The following TMEM116 variants were observed in gnomAD, a reference collection of about 807,000 sequenced individuals.
The protein encoded by TMEM116 is transmembrane protein 116.
A neutral mutation model predicts 44.3 loss-of-function variants in TMEM116; 38 were observed. The observed-to-expected ratio is 0.86, with a 90% CI of 0.66 to 1.12. The LOEUF is 1.12. Ranked by LOEUF, TMEM116 falls within the 50% of genes most tolerant of loss-of-function variation. The pLI, the probability that TMEM116 is intolerant of heterozygous loss-of-function variation, is 0.00. For missense variants in TMEM116, 354 were observed against 401.7 expected, an observed-to-expected ratio of 0.88 and a Z score of 1.01; for synonymous variants, 132 against 144.8, an observed-to-expected ratio of 0.91 and a Z score of 0.64.
At chr12:111,956,638 C>T (rs1273454417) in intron 4 of TMEM116, among the ~76,000 whole-genome samples, 9 of 152,310 alleles carry the variant, frequency 5.9e-5, no homozygotes, top group East Asian at 1.9e-4. Context: ...CTCAGCCTGC[C>T]GAGTGCCTGG....
chr12:111,998,457 T>C (rs2077048827), intron 3 of TMEM116, among the ~76,000 whole-genome samples: 1 of 152,148 alleles, frequency 6.6e-6, no homozygotes, highest in African/African-American at 2.4e-5. Flanking sequence ...ACATAAATAA[T>C]CCCTGGAGAA....
chr12:111,937,930 T>C (rs2072297118), intron 6 of TMEM116: 1 of 329,194 alleles, frequency 3.0e-6, no homozygotes, highest in Non-Finnish European at 5.7e-6. Context: ...GTTAGTTACA[T>C]AGAGTTGATG....
At chr12:111,957,534 T>C (rs1413457918) in intron 4 of TMEM116, among the ~76,000 whole-genome samples, 4 of 145,258 alleles carry the variant, frequency 2.8e-5, no homozygotes, top group African/African-American at 5.2e-5. Context: ...GTCCGGGAGG[T>C]GGGGGGCAGC....
At chr12:112,006,257 G>A (rs1308233447) in intron 1 of TMEM116, 1 of 152,204 alleles carries the variant, frequency 6.6e-6, no homozygotes, top group Non-Finnish European at 1.5e-5. Context: ...CAAGAGGCAG[G>A]AGTAATAAAA....
chr12:111,979,794 T>C (rs2075848667), intron 4 of TMEM116, among the ~76,000 whole-genome samples: 3 of 152,192 alleles, frequency 2.0e-5, no homozygotes, highest in South Asian at 4.1e-4. Context: ...TATTTGGATA[T>C]GTCACCAAAG....
At chr12:111,992,029 C>T (rs1035667209) in intron 3 of TMEM116, 140 bp from the exon 4 acceptor site, 2 of 841,354 alleles carry the variant, frequency 2.4e-6, no homozygotes, top group South Asian at 1.8e-5. Flanking sequence ...TGATTGTGGG[C>T]AATGCAAGGG....
chr12:111,957,763 G>A (rs1388663295), intron 4 of TMEM116, among the ~76,000 whole-genome samples: 3 of 152,236 alleles, frequency 2.0e-5, no homozygotes, highest in Non-Finnish European at 2.9e-5. Flanking sequence ...CCACCACCCC[G>A]TCTGGGAGGT....
intron 4 of TMEM116, among the ~76,000 whole-genome samples, chr12:111,960,372 G>A (rs2074483904): frequency 6.6e-6 from 1 of 150,794 alleles, no homozygotes; most frequent in Non-Finnish European, 1.5e-5. Flanking sequence ...GGCCCCTGTA[G>A]TACCAGCTAC....
chr12:111,964,514 G>A (rs930764770), intron 4 of TMEM116, among the ~76,000 whole-genome samples: 3 of 151,022 alleles, frequency 2.0e-5, no homozygotes, highest in African/African-American at 4.9e-5. Context: ...AAACACCAAA[G>A]TGACTCTAAG....
intron 8 of TMEM116, chr12:111,934,376 TATTA>T: frequency 5.2e-6 from 1 of 193,636 alleles, no homozygotes; most frequent in Middle Eastern, 2.2e-3. Flanking sequence ...TAAAACACTT[TATTA>T]GAGATTTTGT....
chr12:112,012,787 T>C (rs1022079355), intron 1 of TMEM116: 1 of 152,522 alleles, frequency 6.6e-6, no homozygotes, highest in Non-Finnish European at 1.5e-5. Context: ...CTGGGGTTCC[T>C]GGAGGGTGGG....
chr12:111,944,426 G>A lies in TMEM116; in HGVS notation c.211-1057C>T, dbSNP rs116812584. 9.7e-3 allele frequency among the ~76,000 whole-genome samples: 1,481 copies of A among 152,122 alleles called. 25 individuals carry two copies. The highest frequency in any genetic ancestry group is 0.034 in the African/African-American group (1,405 of 41,496). ...TGTAATCTCAGCACTTTGTGAGGCC[G>A]TGGTGGGCAGATCATGAGGTTGAGA... On this transcript the variant is annotated intron_variant, in intron 4 of 10. Transcript: ENST00000552374.
intron 4 of TMEM116, among the ~76,000 whole-genome samples, chr12:111,966,814 T>C (rs2075014048): frequency 6.6e-6 from 1 of 152,240 alleles, no homozygotes; most frequent in Non-Finnish European, 1.5e-5. Flanking sequence ...CTAAGTTTCC[T>C]ACATCTAGTC....
At chr12:111,938,432 C>T (rs190048458) in intron 5 of TMEM116, among the ~76,000 whole-genome samples, 1 of 152,158 alleles carries the variant, frequency 6.6e-6, no homozygotes, top group African/African-American at 2.4e-5. Flanking sequence ...AAAAGTACAA[C>T]AACAACAACA....
chr12:111,991,001 A>ACT (rs2076531472), intron 4 of TMEM116, among the ~76,000 whole-genome samples: 1 of 152,056 alleles, frequency 6.6e-6, no homozygotes, highest in Non-Finnish European at 1.5e-5. Flanking sequence ...CTGGCAGATC[A>ACT]TGAGGTCAAG....
chr12:112,000,712 G>T, intron 3 of TMEM116: 1 of 529,584 alleles, frequency 1.9e-6, no homozygotes, highest in South Asian at 1.4e-5. Flanking sequence ...CATCTCTTCT[G>T]AGTCTCCATT....
At chr12:111,994,777 G>A (rs902049521) in intron 3 of TMEM116, among the ~76,000 whole-genome samples, 3 of 152,156 alleles carry the variant, frequency 2.0e-5, no homozygotes, top group Non-Finnish European at 4.4e-5. Context: ...ACAATCAACA[G>A]AAACAGGATG....
At chr12:111,960,610 G>A (rs752473953) in intron 4 of TMEM116, among the ~76,000 whole-genome samples, 5 of 150,930 alleles carry the variant, frequency 3.3e-5, no homozygotes, top group Admixed American at 6.6e-5. Context: ...GAAGCAATAC[G>A]TAAGTTCTTT....
At chr12:111,950,441 C>T (rs1593341804) in intron 4 of TMEM116, among the ~76,000 whole-genome samples, 1 of 148,116 alleles carries the variant, frequency 6.8e-6, no homozygotes, top group East Asian at 2.0e-4. Flanking sequence ...TCAGTAGCCA[C>T]TGCAGATAAC....
Sources: gnomAD v4.1 joint callset for allele counts (sites outside exome capture counted in the v4.1 genomes callset) on GRCh38, gnomAD v4.1.1 for gene constraint, MANE v1.5 for transcripts, NCBI Gene and HGNC (gene_info 2026-07-23, HGNC 2026-07-21) for gene names.